The following IGF2BP3 variants were observed in gnomAD, a reference collection of about 807,000 sequenced individuals.
IGF2BP3 encodes insulin like growth factor 2 mRNA binding protein 3.
IGF2BP3 carries 9 observed loss-of-function variants against 73.8 expected under a neutral mutation model. That is an observed-to-expected ratio of 0.12 (90% CI 0.07 to 0.21). The LOEUF (loss-of-function observed/expected upper bound fraction) is 0.21. Among genes scored for constraint, IGF2BP3 ranks in the 10% least tolerant of loss-of-function variants. The pLI is 1.00. For missense variants in IGF2BP3, 542 were observed against 714.0 expected (o/e 0.76, Z 2.75); for synonymous variants, 258 against 256.7 (o/e 1.01, Z -0.05).
intron 3 of IGF2BP3, among the ~76,000 whole-genome samples, chr7:23,382,701 G>A (rs1399529450): frequency 6.6e-6 from 1 of 151,868 alleles, no homozygotes; most frequent in Non-Finnish European, 1.5e-5. Flanking sequence ...AGACAAGTAA[G>A]TATAAAGATC....
chr7:23,312,528 T>C (rs1783861084), intron 14 of IGF2BP3, 68 bp from the exon 15 acceptor site: 1 of 1,102,964 alleles, frequency 9.1e-7, no homozygotes, highest in African/African-American at 1.6e-5. Flanking sequence ...TACTCCTTCA[T>C]TTCAACAATT....
At chr7:23,365,960 A>G (rs927066785) in intron 3 of IGF2BP3, 8 of 152,212 alleles carry the variant, frequency 5.3e-5, no homozygotes, top group African/African-American at 1.2e-4. Flanking sequence ...TAGTCAGTCA[A>G]TGAGGATGAG....
chr7:23,403,949 C>T (rs1786746759), intron 3 of IGF2BP3, among the ~76,000 whole-genome samples: 1 of 151,532 alleles, frequency 6.6e-6, no homozygotes. Context: ...GTAGCAAGAC[C>T]CTGTTTGTAA....
chr7:23,372,323 C>T (rs1389969335), intron 3 of IGF2BP3, among the ~76,000 whole-genome samples: 2 of 152,088 alleles, frequency 1.3e-5, no homozygotes, highest in Non-Finnish European at 2.9e-5. Flanking sequence ...TCTGCCCCCC[C>T]TGGCCTCCCA....
intron 2 of IGF2BP3, among the ~76,000 whole-genome samples, chr7:23,467,139 T>A (rs932787161): frequency 6.6e-6 from 1 of 152,206 alleles, no homozygotes; most frequent in African/African-American, 2.4e-5. Context: ...ATCTATCAGG[T>A]CACTCAAATC....
intron 7 of IGF2BP3, among the ~76,000 whole-genome samples, chr7:23,346,851 A>G (rs748063189): frequency 6.6e-6 from 1 of 152,116 alleles, no homozygotes; most frequent in African/African-American, 2.4e-5. Context: ...TCGGCCTCCC[A>G]AAGTGCTGGG....
At chr7:23,346,114 G>T (rs1010422409) in intron 7 of IGF2BP3, 52 bp from the exon 8 acceptor site, 3 of 1,563,814 alleles carry the variant, frequency 1.9e-6, no homozygotes, top group Non-Finnish European at 1.7e-6. Context: ...CTATTCGTGG[G>T]TAAAAAGACA....
rs1786409560 is a variant in IGF2BP3, at chr7:23,395,119, T to C, written c.285+23657A>G. Among the ~76,000 whole-genome samples the C allele has an allele frequency of 3.9e-5, 6 of 152,212 alleles. No individual in the cohort carries two copies. In the South Asian group the frequency reaches 6.2e-4, roughly 16 times the overall value. On this transcript the variant is annotated intron_variant, in intron 3 of 14. Coordinates refer to ENST00000258729, the MANE Select transcript of IGF2BP3 (RefSeq NM_006547.3). ...AGCCATAAGGAGCAGCCCTCACTGA[T>C]GTTTCTGACTTCTTTGTGACTCATT...
chr7:23,441,854 G>T (rs185538205), intron 2 of IGF2BP3, among the ~76,000 whole-genome samples: 2,505 of 152,296 alleles, frequency 0.016, 32 homozygotes, highest in Non-Finnish European at 0.025. Context: ...GCTGGGCGGG[G>T]TGGCTCATGC....
At chr7:23,399,491 G>A (rs1358101743) in intron 3 of IGF2BP3, among the ~76,000 whole-genome samples, 2 of 151,446 alleles carry the variant, frequency 1.3e-5, no homozygotes, top group Non-Finnish European at 2.9e-5. Context: ...GCAAGCAAAC[G>A]GATTCTCCCC....
intron 5 of IGF2BP3, among the ~76,000 whole-genome samples, chr7:23,356,946 A>G (rs2128506683): frequency 1.3e-5 from 2 of 152,338 alleles, no homozygotes; most frequent in East Asian, 3.9e-4. Flanking sequence ...AGAGATTAGA[A>G]TCAGTATAAA....
intron 3 of IGF2BP3, among the ~76,000 whole-genome samples, chr7:23,388,136 A>G (rs1386061530): frequency 6.6e-6 from 1 of 151,950 alleles, no homozygotes; most frequent in Non-Finnish European, 1.5e-5. Context: ...GCGGGGTTTC[A>G]CCGTGTTAGC....
chr7:23,366,936 T>A (rs1376003126), intron 3 of IGF2BP3, among the ~76,000 whole-genome samples: 1 of 151,854 alleles, frequency 6.6e-6, no homozygotes, highest in Non-Finnish European at 1.5e-5. Flanking sequence ...TCCAGCCCAC[T>A]GAACTCTCAA....
At chr7:23,438,490 C>T (rs1787855842) in intron 2 of IGF2BP3, among the ~76,000 whole-genome samples, 1 of 152,080 alleles carries the variant, frequency 6.6e-6, no homozygotes, top group Non-Finnish European at 1.5e-5. Flanking sequence ...AAATATCCAA[C>T]CTCAGTCACC....
intron 3 of IGF2BP3, among the ~76,000 whole-genome samples, chr7:23,410,415 A>G (rs1204174782): frequency 1.3e-5 from 2 of 152,204 alleles, no homozygotes; most frequent in Non-Finnish European, 2.9e-5. Flanking sequence ...GAAAAATGAC[A>G]GAAGCACAGG....
chr7:23,337,908 T>C (rs1334442343), intron 10 of IGF2BP3, among the ~76,000 whole-genome samples: 1 of 152,182 alleles, frequency 6.6e-6, no homozygotes, highest in Non-Finnish European at 1.5e-5. Flanking sequence ...GGCCAGGGAA[T>C]GGCACACAAG....
chr7:23,313,142 C>T (rs1042805361), intron 13 of IGF2BP3, among the ~76,000 whole-genome samples: 3 of 152,212 alleles, frequency 2.0e-5, no homozygotes, highest in Non-Finnish European at 4.4e-5. Flanking sequence ...TTGAAACCCA[C>T]TTACAAGTTA....
At chr7:23,466,318 CA>C in intron 2 of IGF2BP3, among the ~76,000 whole-genome samples, 1 of 152,204 alleles carries the variant, frequency 6.6e-6, no homozygotes, top group East Asian at 1.9e-4. Flanking sequence ...CCACTGCGCC[CA>C]GCCAAAGGCT....
chr7:23,398,437 A>T (rs1786550064), intron 3 of IGF2BP3, among the ~76,000 whole-genome samples: 1 of 152,152 alleles, frequency 6.6e-6, no homozygotes, highest in African/African-American at 2.4e-5. Flanking sequence ...CAGTAATGGG[A>T]TGGCTGGGTC....
Sources: gnomAD v4.1 joint callset for allele counts (sites outside exome capture counted in the v4.1 genomes callset) on GRCh38, gnomAD v4.1.1 for gene constraint, MANE v1.5 for transcripts, NCBI Gene and HGNC (gene_info 2026-07-23, HGNC 2026-07-21) for gene names.